CDH8: variants seen among roughly 807,000 people sequenced by gnomAD.
CDH8 encodes the protein cadherin-8.
Under a neutral mutation model 68.1 loss-of-function variants are expected in CDH8, and 17 were observed. The observed-to-expected ratio is 0.25, with a 90% CI of 0.17 to 0.37. The LOEUF is 0.37. Among genes scored for constraint, CDH8 ranks in the 10% least tolerant of loss-of-function variants. The pLI is 1.00. For synonymous variants in CDH8, 372 were observed against 365.1 expected, an observed-to-expected ratio of 1.02 and a Z score of -0.21; for missense variants, 763 against 999.3, an observed-to-expected ratio of 0.76 and a Z score of 3.19.
intron 8 of CDH8, among the ~76,000 whole-genome samples, chr16:61,784,738 T>A (rs1242576826): frequency 1.3e-5 from 2 of 150,066 alleles, no homozygotes; most frequent in African/African-American, 4.9e-5. Context: ...ACAAACTGTC[T>A]CTCAGACCAC....
chr16:61,961,071 T>C (rs1965145851), intron 2 of CDH8, among the ~76,000 whole-genome samples: 1 of 152,056 alleles, frequency 6.6e-6, no homozygotes, highest in South Asian at 2.1e-4. Flanking sequence ...ATTCCAGCAC[T>C]TTAGGAAGCC....
chr16:61,866,736 T>C (rs1963262508), intron 3 of CDH8, among the ~76,000 whole-genome samples: 1 of 152,116 alleles, frequency 6.6e-6, no homozygotes, highest in East Asian at 1.9e-4. Context: ...ATTTAAAAAA[T>C]AGAATAGTAC....
At chr16:61,877,529 T>A (rs970396518) in intron 3 of CDH8, among the ~76,000 whole-genome samples, 2 of 152,142 alleles carry the variant, frequency 1.3e-5, no homozygotes, top group African/African-American at 4.8e-5. Flanking sequence ...GAAAAGAGAA[T>A]TCCCTTCAGA....
At chr16:61,657,978 G>T (rs1197290998) in intron 10 of CDH8, among the ~76,000 whole-genome samples, 1 of 151,872 alleles carries the variant, frequency 6.6e-6, no homozygotes, top group East Asian at 1.9e-4. Flanking sequence ...CTTTCTACAC[G>T]CAGAAGACTG....
chr16:61,865,483 T>A (rs539967952), intron 3 of CDH8, among the ~76,000 whole-genome samples: 8 of 152,292 alleles, frequency 5.3e-5, no homozygotes, highest in South Asian at 2.1e-4. Context: ...AAATATCATA[T>A]GAAAATGTGT....
intron 9 of CDH8, among the ~76,000 whole-genome samples, chr16:61,721,232 G>A (rs1158090757): frequency 6.6e-6 from 1 of 150,742 alleles, no homozygotes; most frequent in Non-Finnish European, 1.5e-5. Flanking sequence ...GTTGTTTTAT[G>A]CATTCCATTA....
At position 61,967,151 on chromosome 16, in the gene CDH8, T is replaced by C. The variant is rs149288138; in HGVS notation, c.252+54001A>G. Reference sequence around the variant, plus strand: ...AGGAGTCCGAGGCTGCAGTAAGATATGGCTGTGCCACTGCACTCCAGATAG... The same window carrying C: ...AGGAGTCCGAGGCTGCAGTAAGATACGGCTGTGCCACTGCACTCCAGATAG... On this transcript the variant is annotated intron_variant, in intron 2 of 11. Coordinates refer to ENST00000577390, the MANE Select transcript of CDH8 (RefSeq NM_001796.5). Among the ~76,000 whole-genome samples the C allele has an allele frequency of 9.3e-4, 141 of 152,256 alleles. 1 individual carries two copies. The East Asian group carries it at 0.025, about 27-fold the overall frequency.
At chr16:61,789,856 A>G (rs1017261356) in intron 7 of CDH8, among the ~76,000 whole-genome samples, 1 of 152,108 alleles carries the variant, frequency 6.6e-6, no homozygotes, top group Non-Finnish European at 1.5e-5. Flanking sequence ...GCCCAAAGCA[A>G]GATGGCACTA....
Position 62,021,485 on chromosome 16 carries a change from T to G in CDH8, c.-82A>C, listed in dbSNP as rs371864753. The G allele has an allele frequency of 3.3e-6, 5 of 1,534,014 alleles. No homozygotes were observed. In the African/African-American group the frequency reaches 4.1e-5, roughly 13 times the overall value. ...CGGTCTGCAGCCATCCAATTCATCA[T>G]GCAGTGCCGAGCATTTACTTACAGC... On this transcript the variant is annotated 5_prime_UTR_variant, in exon 2 of 12. The change abolishes an upstream ATG in the 5' untranslated region. Transcript: ENST00000577390.
intron 2 of CDH8, among the ~76,000 whole-genome samples, chr16:61,952,583 A>G (rs1451971467): frequency 1.3e-5 from 2 of 152,298 alleles, no homozygotes; most frequent in East Asian, 3.9e-4. Context: ...CATGAAAACC[A>G]TGGAGGAAAC....
intron 2 of CDH8, among the ~76,000 whole-genome samples, chr16:61,992,905 C>T (rs1180591791): frequency 6.6e-6 from 1 of 152,122 alleles, no homozygotes; most frequent in Non-Finnish European, 1.5e-5. Context: ...CCTCCCACTT[C>T]AACCCAAGTA....
At chr16:61,716,748 T>C (rs1405828261) in intron 9 of CDH8, among the ~76,000 whole-genome samples, 4 of 151,780 alleles carry the variant, frequency 2.6e-5, no homozygotes, top group Admixed American at 2.6e-4. Flanking sequence ...TTAAGATTTT[T>C]GGTTAAACCA....
intron 8 of CDH8, among the ~76,000 whole-genome samples, chr16:61,736,112 AAAGGAAGGAAGGAAGG>A (rs763954666): frequency 3.4e-5 from 4 of 116,460 alleles, no homozygotes; most frequent in Non-Finnish European, 5.1e-5. Context: ...AGAAAGAAAG[AAAGGAAGGAAGGAAGG>A]AAGGAAGGAA....
intron 1 of CDH8, among the ~76,000 whole-genome samples, chr16:62,024,692 A>G (rs539838187): frequency 1.1e-3 from 160 of 152,336 alleles, no homozygotes; most frequent in African/African-American, 3.8e-3. Flanking sequence ...GTAGTCACGA[A>G]TAGTATCCAC....
intron 3 of CDH8, among the ~76,000 whole-genome samples, chr16:61,867,947 CCT>C (rs1963286587): frequency 6.6e-6 from 1 of 152,088 alleles, no homozygotes; most frequent in African/African-American, 2.4e-5. Flanking sequence ...TCAACTTTCC[CCT>C]CTCATCCTCC....
At chr16:61,918,855 T>TG (rs1363409026) in intron 2 of CDH8, 1 of 151,244 alleles carries the variant, frequency 6.6e-6, no homozygotes, top group Non-Finnish European at 1.5e-5. Context: ...GCTCCACCTC[T>TG]GGGGGCAGGG....
chr16:61,793,074 G>T (rs557320293), intron 7 of CDH8, among the ~76,000 whole-genome samples: 23 of 151,924 alleles, frequency 1.5e-4, no homozygotes, highest in African/African-American at 5.5e-4. Flanking sequence ...AATGAAATTA[G>T]TTCCCTTATA....
At chr16:61,836,800 T>C (rs144526684) in intron 4 of CDH8, among the ~76,000 whole-genome samples, 1 of 152,138 alleles carries the variant, frequency 6.6e-6, no homozygotes, top group Non-Finnish European at 1.5e-5. Flanking sequence ...TGGTTTTTCT[T>C]TGTCAGCCAA....
intron 8 of CDH8, among the ~76,000 whole-genome samples, chr16:61,768,384 C>CCCTG (rs1960680689): frequency 1.1e-5 from 1 of 91,420 alleles, no homozygotes; most frequent in Non-Finnish European, 2.2e-5. Flanking sequence ...CTCTCTCTCT[C>CCCTG]TCTCTCTCTC....
Sources: gnomAD v4.1 joint callset for allele counts (sites outside exome capture counted in the v4.1 genomes callset) on GRCh38, gnomAD v4.1.1 for gene constraint, MANE v1.5 for transcripts, NCBI Gene and HGNC (gene_info 2026-07-23, HGNC 2026-07-21) for gene names.